DOCK10: variants seen among roughly 807,000 people sequenced by gnomAD.
DOCK10 encodes dedicator of cytokinesis 10, also known as dedicator of cytokinesis protein 10.
A neutral mutation model predicts 280.1 loss-of-function variants in DOCK10; 145 were observed. The observed-to-expected ratio is 0.52, with a 90% confidence interval of 0.45 to 0.59. The LOEUF (loss-of-function observed/expected upper bound fraction) is 0.59. Ranked by LOEUF, DOCK10 falls within the 20% of genes least tolerant of loss-of-function variation. The pLI is 0.00. For missense variants in DOCK10, 2,368 were observed against 2,651.7 expected (o/e 0.89, Z 2.35); for synonymous variants, 915 against 942.2 (o/e 0.97, Z 0.53).
At chr2:224,823,247 A>G (rs912820650) in intron 28 of DOCK10, among the ~76,000 whole-genome samples, 9 of 152,128 alleles carry the variant, frequency 5.9e-5, no homozygotes, top group African/African-American at 1.9e-4. Flanking sequence ...TGGCCTCCCA[A>G]AGTGCTGGGA....
At chr2:224,837,960 A>T in intron 24 of DOCK10, 129 bp from the exon 25 acceptor site, 1 of 724,408 alleles carries the variant, frequency 1.4e-6, no homozygotes, top group Non-Finnish European at 2.4e-6. Context: ...CCAATCTCTG[A>T]CTCCTTCCTT....
chr2:224,841,727 A>G (rs1695975640), intron 23 of DOCK10, 77 bp downstream of exon 23: 2 of 901,758 alleles, frequency 2.2e-6, no homozygotes, highest in Non-Finnish European at 3.6e-6. Flanking sequence ...CAGTTTGCCC[A>G]TCGGTGGAAA....
At chr2:224,888,808 ATATG>A (rs1382597502) in intron 4 of DOCK10, among the ~76,000 whole-genome samples, 2 of 141,550 alleles carry the variant, frequency 1.4e-5, no homozygotes, top group African/African-American at 6.0e-5. Context: ...GTGTGAATAT[ATATG>A]TGTGTATGTA....
chr2:224,874,226 G>T, intron 10 of DOCK10, 40 bp downstream of exon 10: 1 of 1,599,324 alleles, frequency 6.3e-7, no homozygotes, highest in Non-Finnish European at 8.5e-7. Context: ...CCAACTGTAT[G>T]GATCAAGTTC....
chr2:225,017,954 C>T (rs914887998), intron 1 of DOCK10, among the ~76,000 whole-genome samples: 1 of 152,134 alleles, frequency 6.6e-6, no homozygotes, highest in African/African-American at 2.4e-5. Flanking sequence ...TGTCTGGTTG[C>T]CAGCCCCCAT....
chr2:224,794,707 G>A (rs1381402468), intron 45 of DOCK10, among the ~76,000 whole-genome samples, 172 bp downstream of exon 45: 1 of 152,106 alleles, frequency 6.6e-6, no homozygotes, highest in Non-Finnish European at 1.5e-5. Context: ...CTTAGCGTTA[G>A]GTATCCTTGA....
chr2:224,895,205 G>A lies in DOCK10; in HGVS notation c.416+1090C>T, dbSNP rs975194215. ...AATCCCTCTTTCAAATTCCGCATTC[G>A]GAAATTGAGAGCAATGCTTCCAAGT... is the stretch of plus-strand genomic sequence containing the variant. On this transcript the variant is annotated intron_variant, in intron 4 of 55. Transcript: ENST00000258390. 9.2e-5 allele frequency among the ~76,000 whole-genome samples: 14 copies of A among 152,162 alleles called. No homozygotes were observed. In the East Asian group the frequency reaches 1.3e-3, roughly 15 times the overall value.
chr2:224,999,187 AAAGATAT>A, intron 1 of DOCK10, among the ~76,000 whole-genome samples: 1 of 152,166 alleles, frequency 6.6e-6, no homozygotes, highest in African/African-American at 2.4e-5. Flanking sequence ...ACTTTGTCTA[AAAGATAT>A]CATTTATAGT....
At position 224,959,437 on chromosome 2, in the gene DOCK10, C is replaced by CTT. The variant is rs55894832; in HGVS notation, c.124-27771_124-27770dup. On this transcript the variant is annotated intron_variant, in intron 1 of 55. Coordinates refer to ENST00000258390, the MANE Select transcript of DOCK10 (RefSeq NM_014689.3). Reference sequence around the variant, plus strand: ...CCAAAAAATAAGCCTTTATTATTTTCTTTTTTTTTTTTTTTTTACCTCAAG... The same window carrying CTT: ...CCAAAAAATAAGCCTTTATTATTTTCTTTTTTTTTTTTTTTTTTTACCTCAAG... Among the ~76,000 whole-genome samples the CTT allele has an allele frequency of 4.2e-5, 6 of 142,372 alleles. No individual in the cohort carries two copies. The South Asian group carries it at 1.1e-3, about 27-fold the overall frequency. The allele number at this position is 142,372 out of a possible 152,430, so 93.4% of individuals were successfully genotyped here.
At chr2:224,973,202 A>G (rs1229014418) in intron 1 of DOCK10, among the ~76,000 whole-genome samples, 6 of 152,188 alleles carry the variant, frequency 3.9e-5, no homozygotes, top group Admixed American at 3.9e-4. Flanking sequence ...CACTCAGTGA[A>G]TCCTTAAACA....
intron 47 of DOCK10, among the ~76,000 whole-genome samples, chr2:224,790,776 T>A (rs1692128727): frequency 6.6e-6 from 1 of 152,142 alleles, no homozygotes; most frequent in Non-Finnish European, 1.5e-5. Flanking sequence ...TCACCTATAT[T>A]CATACAATTG....
At chr2:224,769,311 A>G (rs971192602) in intron 55 of DOCK10, among the ~76,000 whole-genome samples, 3 of 152,274 alleles carry the variant, frequency 2.0e-5, no homozygotes, top group African/African-American at 7.2e-5. Context: ...GGGAAATGCA[A>G]TTAGAAAAAA....
At chr2:224,995,242 A>T (rs923265932) in intron 1 of DOCK10, among the ~76,000 whole-genome samples, 2 of 152,250 alleles carry the variant, frequency 1.3e-5, no homozygotes, top group African/African-American at 4.8e-5. Context: ...TATTTCTGCA[A>T]TATCCTGTTG....
intron 27 of DOCK10, among the ~76,000 whole-genome samples, chr2:224,825,422 C>T (rs959707000): frequency 6.6e-6 from 1 of 152,208 alleles, no homozygotes; most frequent in African/African-American, 2.4e-5. Flanking sequence ...GATTTGATCA[C>T]ACACAGCATT....
intron 2 of DOCK10, among the ~76,000 whole-genome samples, chr2:224,926,716 C>G (rs1005763460): frequency 6.6e-6 from 1 of 152,146 alleles, no homozygotes; most frequent in Non-Finnish European, 1.5e-5. Flanking sequence ...TCAAGCAAAG[C>G]CAATTACTTC....
intron 16 of DOCK10, among the ~76,000 whole-genome samples, chr2:224,854,451 T>C (rs141836928): frequency 5.9e-5 from 9 of 152,300 alleles, no homozygotes; most frequent in African/African-American, 2.2e-4. Context: ...GTTATAATCA[T>C]TGCATGGCCA....
intron 11 of DOCK10, among the ~76,000 whole-genome samples, chr2:224,872,159 A>C (rs1388510364): frequency 2.0e-5 from 3 of 152,222 alleles, no homozygotes; most frequent in African/African-American, 7.2e-5. Flanking sequence ...TTTCCATTTT[A>C]GCTTACCTGT....
At chr2:224,995,490 T>A (rs1706247097) in intron 1 of DOCK10, among the ~76,000 whole-genome samples, 1 of 152,230 alleles carries the variant, frequency 6.6e-6, no homozygotes, top group Non-Finnish European at 1.5e-5. Context: ...CAGGAGGGCC[T>A]CTTGTAGTTG....
At chr2:224,823,381 C>T (rs1483453532) in intron 28 of DOCK10, 120 bp downstream of exon 28, 7 of 792,280 alleles carry the variant, frequency 8.8e-6, no homozygotes, top group Non-Finnish European at 1.1e-5. Flanking sequence ...AAGTTTTCAT[C>T]TGACAGTGCT....
Sources: allele counts gnomAD v4.1 joint callset (sites outside exome capture counted in the v4.1 genomes callset), GRCh38; gene constraint gnomAD v4.1.1; transcripts MANE v1.5; gene names NCBI Gene and HGNC (gene_info 2026-07-23, HGNC 2026-07-21).